Variants in CCDC149 observed in about 807,000 individuals in gnomAD.
CCDC149 encodes coiled-coil domain-containing protein 149.
Under a neutral mutation model 59.9 loss-of-function variants are expected in CCDC149, and 45 were observed. The observed-to-expected ratio is 0.75, with a 90% confidence interval of 0.59 to 0.96. The LOEUF (loss-of-function observed/expected upper bound fraction) is 0.96, where lower values mean the gene tolerates loss of function less well. CCDC149 is among the 40% of genes least tolerant of loss of function. The pLI is 0.00. For synonymous variants in CCDC149, 245 were observed against 260.6 expected (o/e 0.94, Z 0.58); for missense variants, 584 against 664.7 (o/e 0.88, Z 1.33).
At chr4:24,890,435 C>T (rs537083987) in intron 1 of CCDC149, among the ~76,000 whole-genome samples, 1 of 152,296 alleles carries the variant, frequency 6.6e-6, no homozygotes, top group Admixed American at 6.5e-5. Context: ...CTTTCTGCCA[C>T]AGCACCCCAT....
chr4:24,818,785 A>G (rs1715180873), intron 12 of CCDC149, among the ~76,000 whole-genome samples: 1 of 152,326 alleles, frequency 6.6e-6, no homozygotes, highest in East Asian at 1.9e-4. Context: ...GACAAGTCTC[A>G]TGTCTTTTAT....
At chr4:24,844,402 C>T (rs1342344963) in intron 4 of CCDC149, among the ~76,000 whole-genome samples, 1 of 152,192 alleles carries the variant, frequency 6.6e-6, no homozygotes, top group Non-Finnish European at 1.5e-5. Context: ...GAGGTTGGCA[C>T]ATGGCTCTGA....
intron 1 of CCDC149, among the ~76,000 whole-genome samples, chr4:24,934,609 T>C (rs755891211): frequency 3.3e-5 from 5 of 152,202 alleles, no homozygotes; most frequent in Non-Finnish European, 5.9e-5. Context: ...GAATTAGTTA[T>C]CTATTACAAA....
At chr4:24,938,683 G>A (rs926758417) in intron 1 of CCDC149, among the ~76,000 whole-genome samples, 2 of 151,900 alleles carry the variant, frequency 1.3e-5, no homozygotes, top group Non-Finnish European at 1.5e-5. Flanking sequence ...GGAAAATTGG[G>A]TCACTCCCAC....
intron 1 of CCDC149, among the ~76,000 whole-genome samples, chr4:24,974,693 TC>T (rs1724100067): frequency 6.6e-6 from 1 of 152,216 alleles, no homozygotes. Context: ...TCAATCAATG[TC>T]TGCTGAATCA....
At chr4:24,872,483 T>G (rs1466123417) in intron 3 of CCDC149, among the ~76,000 whole-genome samples, 1 of 152,040 alleles carries the variant, frequency 6.6e-6, no homozygotes, top group Non-Finnish European at 1.5e-5. Context: ...CTGAATATTA[T>G]GCACCCACAG....
At chr4:24,891,198 C>T (rs537761726) in intron 1 of CCDC149, among the ~76,000 whole-genome samples, 31 of 151,992 alleles carry the variant, frequency 2.0e-4, no homozygotes, top group African/African-American at 7.5e-4. Flanking sequence ...GAACTCAGCC[C>T]CCCCAGCAAA....
intron 1 of CCDC149, among the ~76,000 whole-genome samples, chr4:24,958,182 T>C (rs1371463131): frequency 6.6e-6 from 1 of 152,224 alleles, no homozygotes; most frequent in Non-Finnish European, 1.5e-5. Context: ...TGATATGTGA[T>C]TTGCCAACAG....
At chr4:24,876,284 TACACACGTACAC>T (rs1305977917) in intron 2 of CCDC149, among the ~76,000 whole-genome samples, 4 of 104,376 alleles carry the variant, frequency 3.8e-5, no homozygotes, top group African/African-American at 1.7e-4. Flanking sequence ...AGCATATACA[TACACACGTACAC>T]ACACACACAC....
intron 1 of CCDC149, among the ~76,000 whole-genome samples, chr4:24,938,859 C>T (rs564055480): frequency 4.6e-5 from 7 of 152,224 alleles, no homozygotes; most frequent in Non-Finnish European, 8.8e-5. Flanking sequence ...GGGCGCCCGC[C>T]ATTGCTCAGG....
At chr4:24,853,254 T>G (rs1717781133) in intron 3 of CCDC149, 75 bp from the exon 4 acceptor site, 2 of 1,078,570 alleles carry the variant, frequency 1.9e-6, no homozygotes, top group South Asian at 2.5e-5. Context: ...ATTGGGCTTG[T>G]GGATGCTGGT....
intron 12 of CCDC149, among the ~76,000 whole-genome samples, chr4:24,816,979 T>C (rs1233412721): frequency 1.3e-5 from 2 of 152,152 alleles, no homozygotes; most frequent in Non-Finnish European, 2.9e-5. Flanking sequence ...GATGCGACAG[T>C]GATGAGGCCA....
chr4:24,879,503 C>T (rs550862300), intron 1 of CCDC149, among the ~76,000 whole-genome samples: 1 of 137,452 alleles, frequency 7.3e-6, no homozygotes, highest in Non-Finnish European at 1.5e-5. Flanking sequence ...GCAAAAAGAG[C>T]GAAACTCTTG....
intron 1 of CCDC149, among the ~76,000 whole-genome samples, chr4:24,955,525 T>G (rs574446733): frequency 1.3e-5 from 2 of 152,320 alleles, no homozygotes; most frequent in South Asian, 4.1e-4. Context: ...TGAAATATTA[T>G]TCAGCCTTAA....
intron 1 of CCDC149, among the ~76,000 whole-genome samples, chr4:24,942,013 A>G: frequency 6.6e-6 from 1 of 152,242 alleles, no homozygotes; most frequent in East Asian, 1.9e-4. Context: ...TCCAATCAAT[A>G]GAAAAAGAGG....
chr4:24,874,245 T>TG (rs1719246248), intron 2 of CCDC149, among the ~76,000 whole-genome samples: 1 of 12,098 alleles, frequency 8.3e-5, no homozygotes, highest in African/African-American at 2.6e-4. Flanking sequence ...ATTAGATTTG[T>TG]TTTTTTTTTT....
chr4:24,808,622 G>A lies in CCDC149; in HGVS notation c.1390C>T (p.Leu464=), dbSNP rs148627925. 418 of 1,552,328 alleles carry A rather than the reference G, an allele frequency of 2.7e-4. 3 individuals are homozygous for A. In the African/African-American group the frequency reaches 5.4e-3, roughly 20 times the overall value. ...TCTGCAGCTGCCTGTTCCTTTGTCA[G>A]TTTAATTATTTCCCTCCCAAGGCTG... The change falls in exon 13 of 13, where the codon CTG becomes TTG. Residue 464 remains leucine (L), a synonymous_variant. Coordinates refer to ENST00000635206, the MANE Select transcript of CCDC149 (RefSeq NM_001330643.2).
chr4:24,835,083 G>A (rs1716419163), intron 7 of CCDC149, 51 bp from the exon 8 acceptor site: 1 of 1,326,198 alleles, frequency 7.5e-7, no homozygotes, highest in Non-Finnish European at 1.1e-6. Context: ...GCCAACAATG[G>A]AAAAGTACCT....
intron 1 of CCDC149, 126 bp downstream of exon 1, chr4:24,912,691 G>T: frequency 1.7e-6 from 1 of 576,868 alleles, no homozygotes; most frequent in Non-Finnish European, 2.4e-6. Context: ...GGGTGCGGCA[G>T]CCGCGGCCAC....
Sources: gnomAD v4.1 joint callset for allele counts (sites outside exome capture counted in the v4.1 genomes callset) on GRCh38, gnomAD v4.1.1 for gene constraint, MANE v1.5 for transcripts, NCBI Gene and HGNC (gene_info 2026-07-23, HGNC 2026-07-21) for gene names.